SLC38A12: variants seen among roughly 807,000 people sequenced by gnomAD.
SLC38A12 encodes solute carrier family 38 member 12.
chr17:74,783,217 G>C, the SLC38A12 span, among the ~76,000 whole-genome samples: 1 of 152,262 alleles, frequency 6.6e-6, no homozygotes, highest in Non-Finnish European at 1.5e-5. Flanking sequence ...GCAGGGTCCA[G>C]TGCAATCAGC....
the SLC38A12 span, among the ~76,000 whole-genome samples, chr17:74,792,445 T>G: frequency 3.9e-5 from 6 of 152,182 alleles, no homozygotes; most frequent in African/African-American, 1.4e-4. Flanking sequence ...AGTAGGACCT[T>G]GTCTCAAAAA....
At chr17:74,822,676 C>T in the SLC38A12 span, among the ~76,000 whole-genome samples, 6 of 152,226 alleles carry the variant, frequency 3.9e-5, no homozygotes, top group Non-Finnish European at 5.9e-5. Context: ...AAAAAGCAAA[C>T]CTTTCTGTGG....
the SLC38A12 span, chr17:74,838,936 A>C: frequency 6.5e-7 from 1 of 1,535,768 alleles, no homozygotes; most frequent in Non-Finnish European, 8.7e-7. Context: ...ATGCCAGCCC[A>C]GCCTGGCCCA....
the SLC38A12 span, among the ~76,000 whole-genome samples, chr17:74,798,324 C>T: frequency 6.6e-6 from 1 of 152,214 alleles, no homozygotes; most frequent in Non-Finnish European, 1.5e-5. Context: ...CGCACACACA[C>T]GGTGAGAATC....
the SLC38A12 span, among the ~76,000 whole-genome samples, chr17:74,835,235 G>A: frequency 2.6e-5 from 4 of 152,290 alleles, no homozygotes; most frequent in South Asian, 6.2e-4. Flanking sequence ...CTCCAGCCTC[G>A]GTGTCAGCAG....
chr17:74,795,128 C>G, the SLC38A12 span: 1 of 1,608,576 alleles, frequency 6.2e-7, no homozygotes, highest in Non-Finnish European at 8.5e-7. Flanking sequence ...ACCCTCCTGG[C>G]CCCCAGGTTG....
At chr17:74,779,043 T>G in the SLC38A12 span, among the ~76,000 whole-genome samples, 4 of 152,146 alleles carry the variant, frequency 2.6e-5, no homozygotes, top group Non-Finnish European at 5.9e-5. Flanking sequence ...ATGTAACAGC[T>G]CCTAGCCTCC....
the SLC38A12 span, chr17:74,838,587 G>GTATCATTAAA: frequency 1.6e-6 from 2 of 1,262,220 alleles, no homozygotes; most frequent in Non-Finnish European, 2.0e-6. Flanking sequence ...GCCCTGGAGG[G>GTATCATTAAA]AACTGGCCAG....
At chr17:74,790,432 G>T in the SLC38A12 span, 5 of 784,368 alleles carry the variant, frequency 6.4e-6, no homozygotes, top group Non-Finnish European at 4.3e-6. Context: ...AGGCCCTGTG[G>T]TAGACTCAAA....
the SLC38A12 span, among the ~76,000 whole-genome samples, chr17:74,796,444 T>C: frequency 6.6e-6 from 1 of 152,238 alleles, no homozygotes; most frequent in Admixed American, 6.5e-5. Flanking sequence ...GCCAGGCTTT[T>C]CAGGGAGCTG....
chr17:74,817,059 G>A, the SLC38A12 span, among the ~76,000 whole-genome samples: 1 of 143,006 alleles, frequency 7.0e-6, no homozygotes, highest in Non-Finnish European at 1.5e-5. Context: ...CCGTGGCGTG[G>A]CAGCGCATGC....
chr17:74,828,606 G>A, the SLC38A12 span, among the ~76,000 whole-genome samples: 1 of 152,168 alleles, frequency 6.6e-6, no homozygotes, highest in Non-Finnish European at 1.5e-5. Context: ...TTATGGAGAT[G>A]TCCCTCTGAT....
At chr17:74,831,806 G>C in the SLC38A12 span, among the ~76,000 whole-genome samples, 1 of 152,196 alleles carries the variant, frequency 6.6e-6, no homozygotes, top group African/African-American at 2.4e-5. Flanking sequence ...CACCCGTCTG[G>C]CTTCCCACGC....
chr17:74,830,362 G>A, the SLC38A12 span, among the ~76,000 whole-genome samples: 1 of 152,246 alleles, frequency 6.6e-6, no homozygotes, highest in African/African-American at 2.4e-5. Flanking sequence ...GGTGTTCAGA[G>A]TGGGTGGGCT....
At chr17:74,789,073 A>G in the SLC38A12 span, among the ~76,000 whole-genome samples, 1 of 152,206 alleles carries the variant, frequency 6.6e-6, no homozygotes, top group Non-Finnish European at 1.5e-5. Context: ...TTCCCGTCTC[A>G]GCCTCAGGCC....
the SLC38A12 span, among the ~76,000 whole-genome samples, chr17:74,823,991 G>A: frequency 1.1e-4 from 16 of 152,366 alleles, no homozygotes; most frequent in Non-Finnish European, 1.9e-4. Flanking sequence ...GAGCATGACC[G>A]TCTTCAGCAT....
chr17:74,794,123 ACT>A, the SLC38A12 span, among the ~76,000 whole-genome samples: 1 of 152,068 alleles, frequency 6.6e-6, no homozygotes, highest in Non-Finnish European at 1.5e-5. Flanking sequence ...GGGCCCTGCC[ACT>A]CTTTTCAGAG....
At chr17:74,832,839 C>T in the SLC38A12 span, among the ~76,000 whole-genome samples, 4 of 152,232 alleles carry the variant, frequency 2.6e-5, no homozygotes, top group East Asian at 1.9e-4. Context: ...GACTCGTAGG[C>T]GGCAGCAAAC....
the SLC38A12 span, among the ~76,000 whole-genome samples, chr17:74,791,373 C>G: frequency 1.4e-5 from 2 of 138,600 alleles, no homozygotes; most frequent in East Asian, 3.9e-4. Context: ...GAACCCCAGG[C>G]AGCTACTCCA....
Sources: allele counts gnomAD v4.1 joint callset (sites outside exome capture counted in the v4.1 genomes callset), GRCh38; gene constraint gnomAD v4.1.1; transcripts MANE v1.5; gene names NCBI Gene and HGNC (gene_info 2026-07-23, HGNC 2026-07-21).